NIPA2: variants seen among roughly 807,000 people sequenced by gnomAD.
NIPA2 encodes magnesium transporter NIPA2.
NIPA2 carries 11 observed loss-of-function variants against 29.7 expected under a neutral mutation model. The ratio of observed to expected loss-of-function variants is 0.37; its 90% confidence interval spans 0.23 to 0.61. The LOEUF is 0.61. Among genes scored for constraint, NIPA2 ranks in the 20% least tolerant of loss-of-function variants. The pLI, the probability that NIPA2 is intolerant of heterozygous loss-of-function variation, is 0.66. For missense variants in NIPA2, 426 were observed against 437.9 expected, an observed-to-expected ratio of 0.97 and a Z score of 0.24; for synonymous variants, 183 against 161.9, an observed-to-expected ratio of 1.13 and a Z score of -0.99.
intron 3 of NIPA2, among the ~76,000 whole-genome samples, chr15:22,848,204 C>T (rs1459834862): frequency 2.0e-5 from 3 of 152,104 alleles, no homozygotes; most frequent in African/African-American, 7.2e-5. Flanking sequence ...GTTTGGGTAG[C>T]TCGGTTTCTC....
chr15:22,865,724 G>A (rs2058990366), intron 7 of NIPA2, among the ~76,000 whole-genome samples: 1 of 152,148 alleles, frequency 6.6e-6, no homozygotes, highest in African/African-American at 2.4e-5. Flanking sequence ...AACCCCAGTA[G>A]TATCTTTCAA....
intron 6 of NIPA2, among the ~76,000 whole-genome samples, chr15:22,859,240 T>C (rs1464773757): frequency 6.6e-6 from 1 of 151,828 alleles, no homozygotes; most frequent in Non-Finnish European, 1.5e-5. Flanking sequence ...TATCATTCAG[T>C]GCATGTGCAC....
intron 3 of NIPA2, among the ~76,000 whole-genome samples, chr15:22,847,149 G>A (rs915283268): frequency 2.0e-5 from 3 of 151,810 alleles, no homozygotes; most frequent in African/African-American, 7.3e-5. Flanking sequence ...CAGGTGATCT[G>A]CCCGCTTCTT....
chr15:22,848,668 A>T (rs1304574742), intron 3 of NIPA2, among the ~76,000 whole-genome samples: 1 of 147,022 alleles, frequency 6.8e-6, no homozygotes, highest in Non-Finnish European at 1.5e-5. Context: ...TCTACTAAAA[A>T]TACAAAAACT....
intron 4 of NIPA2, among the ~76,000 whole-genome samples, chr15:22,852,478 AAAAG>A (rs1307387846): frequency 6.6e-6 from 1 of 152,024 alleles, no homozygotes; most frequent in Admixed American, 6.6e-5. Context: ...AAAAAAAAAA[AAAAG>A]CCATGGTTAA....
chr15:22,852,145 T>C (rs1457743235), intron 4 of NIPA2, among the ~76,000 whole-genome samples: 1 of 152,168 alleles, frequency 6.6e-6, no homozygotes, highest in Non-Finnish European at 1.5e-5. Context: ...TCTTTAAATT[T>C]TGATATGTCT....
chr15:22,847,574 C>G (rs1158540504), intron 3 of NIPA2, among the ~76,000 whole-genome samples: 1 of 151,900 alleles, frequency 6.6e-6, no homozygotes, highest in East Asian at 1.9e-4. Flanking sequence ...AAGCAGTTCT[C>G]CTGCCTCAGC....
In NIPA2 at chr15:22,867,967, CCTTTAAAAA is replaced by C. The variant is rs2059245175; in HGVS notation, c.*1121_*1129del. On this transcript the variant is annotated 3_prime_UTR_variant, in exon 8 of 8. Transcript: ENST00000337451. The stretch of plus-strand genomic sequence containing the variant: ...CTATCCACTCATAACCATTGACTGG[CCTTTAAAAA>C]AAAGTATTGGCAGAATTAATTTCCA... 1 of 152,204 alleles carries C rather than the reference CCTTTAAAAA, an allele frequency of 6.6e-6. No homozygotes were observed. Among genetic ancestry groups the C allele is most frequent in the Non-Finnish European group, 1.5e-5 (1 of 68,040 alleles). The allele number at this position is 152,204 out of a possible 1,614,324, so 9.4% of individuals were successfully genotyped here. A position where few individuals can be genotyped will look rare whatever the true frequency, so the allele number is the denominator to read the frequency against.
intron 3 of NIPA2, among the ~76,000 whole-genome samples, chr15:22,845,863 A>G (rs1898481916): frequency 6.6e-6 from 1 of 152,194 alleles, no homozygotes; most frequent in Admixed American, 6.5e-5. Flanking sequence ...CCCATAACAC[A>G]TAAATTAAAA....
intron 2 of NIPA2, 124 bp downstream of exon 2, chr15:22,839,914 A>G (rs1896549124): frequency 6.6e-6 from 1 of 152,180 alleles, no homozygotes; most frequent in African/African-American, 2.4e-5. Flanking sequence ...GAGGTTGGAA[A>G]AAATTAAATC....
In NIPA2 at chr15:22,857,770, G is replaced by A. The variant is rs562657815; in HGVS notation, c.197-770G>A. ...GAGAATTGCTTGAACCCGGGAGGTG[G>A]AGGTTGCAGTGAGCTGAGATCGTGC... is the stretch of plus-strand genomic sequence containing the variant. On this transcript the variant is annotated intron_variant, in intron 5 of 7. Transcript: ENST00000337451. Among the ~76,000 whole-genome samples, 9 of 150,156 alleles carry A rather than the reference G, an allele frequency of 6.0e-5. No individual in the cohort carries two copies. In the South Asian group the frequency reaches 1.9e-3, roughly 32 times the overall value.
Position 22,860,690 on chromosome 15 carries a change from T to C in NIPA2, c.349T>C (p.Leu117=). Residue 117 remains leucine, a synonymous_variant, in exon 7 of 8, where the codon TTG becomes CTG. Transcript: ENST00000337451. The part of the protein sequence containing the change: ...RLNLHGKIGC[L]LSILGSTVMV... ...TAATCTTCATGGGAAAATTGGGTGT[T>C]TGCTAAGTATTCTAGGATCTACAGT... 6.2e-7 allele frequency: 1 copy of C among 1,600,410 alleles called. No homozygotes were observed. Among genetic ancestry groups the C allele is most frequent in the Non-Finnish European group, 8.5e-7 (1 of 1,174,240 alleles).
intron 2 of NIPA2, among the ~76,000 whole-genome samples, chr15:22,844,640 G>T (rs758606432): frequency 6.6e-6 from 1 of 152,014 alleles, no homozygotes; most frequent in Non-Finnish European, 1.5e-5. Flanking sequence ...CTGTGGTCCT[G>T]TTGATTTGAG....
At position 22,866,886 on chromosome 15, in the gene NIPA2, A is replaced by G; in HGVS notation, c.*39A>G. The G allele has an allele frequency of 6.6e-7, 1 of 1,507,884 alleles. No individual in the cohort carries two copies. Among genetic ancestry groups the G allele is most frequent in the East Asian group, 2.3e-5 (1 of 44,104 alleles). The allele number at this position is 1,507,884 out of a possible 1,614,324, so 93.4% of individuals were successfully genotyped here. Reference sequence around the variant, plus strand: ...AAAGGTTAATCTGTGATTGTTATGAAGTGAATTTGAATATCATCAGAATGT... The same window carrying G: ...AAAGGTTAATCTGTGATTGTTATGAGGTGAATTTGAATATCATCAGAATGT... On this transcript the variant is annotated 3_prime_UTR_variant, in exon 8 of 8. Transcript: ENST00000337451.
chr15:22,856,328 T>A (rs953342294), intron 5 of NIPA2, among the ~76,000 whole-genome samples: 20 of 152,070 alleles, frequency 1.3e-4, no homozygotes, highest in Admixed American at 5.9e-4. Flanking sequence ...TTCTAGAGTA[T>A]TCAGTTAAAA....
rs1037500982 is a variant in NIPA2 at position 22,867,082 on chromosome 15, A to G, written c.*235A>G. On this transcript the variant is annotated 3_prime_UTR_variant, in exon 8 of 8. Coordinates refer to ENST00000337451, the MANE Select transcript of NIPA2 (RefSeq NM_030922.7). The stretch of plus-strand genomic sequence containing the variant: ...ATTAACATTTTATTGTTGTAGAAGT[A>G]TTTTACATTTTCATCCCTTCTCCAA... The G allele has an allele frequency of 1.6e-5, 8 of 497,918 alleles. No homozygotes were observed. The highest frequency in any genetic ancestry group is 1.4e-4 in the African/African-American group (7 of 50,308). The allele number at this position is 497,918 out of a possible 1,614,324, so 30.8% of individuals were successfully genotyped here.
In NIPA2 at chr15:22,866,482, C is replaced by CTGGAT; in HGVS notation, c.719_723dup (p.Ile242TrpfsTer9). On this transcript the variant is annotated frameshift_variant, in exon 8 of 8. Coordinates refer to ENST00000337451, the MANE Select transcript of NIPA2 (RefSeq NM_030922.7). LOFTEE classifies it high-confidence loss of function. ...ACAGATTAATTACCTAAATAGGGCC[C>CTGGAT]TGGATATATTCAACACTTCCATTGT... 1 of 1,614,058 alleles carries CTGGAT rather than the reference C, an allele frequency of 6.2e-7. No homozygotes were observed. The highest frequency in any genetic ancestry group is 8.5e-7 in the Non-Finnish European group (1 of 1,179,946).
intron 5 of NIPA2, 98 bp downstream of exon 5, chr15:22,853,366 T>C: frequency 1.4e-6 from 1 of 700,832 alleles, no homozygotes; most frequent in Non-Finnish European, 2.3e-6. Flanking sequence ...TTTAAAGGTT[T>C]AAATAATCTT....
intron 3 of NIPA2, among the ~76,000 whole-genome samples, chr15:22,851,397 A>T (rs539573799): frequency 4.0e-4 from 61 of 151,872 alleles, no homozygotes; most frequent in East Asian, 2.5e-3. Context: ...ATTTTTTTTT[A>T]AAATATGGGA....
Sources: gnomAD v4.1 joint callset for allele counts (sites outside exome capture counted in the v4.1 genomes callset) on GRCh38, gnomAD v4.1.1 for gene constraint, MANE v1.5 for transcripts, NCBI Gene and HGNC (gene_info 2026-07-23, HGNC 2026-07-21) for gene names.